MOV10: variants seen among roughly 807,000 people sequenced by gnomAD.
MOV10 encodes the protein RNA helicase MOV-10.
Under a neutral mutation model 108.4 loss-of-function variants are expected in MOV10, and 39 were observed. The ratio of observed to expected loss-of-function variants is 0.36; its 90% CI spans 0.28 to 0.47. The LOEUF is 0.47. Among genes scored for constraint, MOV10 ranks in the 20% least tolerant of loss-of-function variants. MOV10 has a pLI of 1.00. For missense variants in MOV10, 952 were observed against 1,297.6 expected (o/e 0.73, Z 4.09); for synonymous variants, 490 against 523.1 (o/e 0.94, Z 0.86).
intron 11 of MOV10, 55 bp downstream of exon 11, chr1:112,695,629 G>A (rs1253370046): frequency 3.2e-5 from 51 of 1,570,096 alleles, no homozygotes; most frequent in Non-Finnish European, 4.4e-5. Flanking sequence ...AGGCTCTCAG[G>A]GCAGACACTG....
chr1:112,687,909 C>G (rs1673206700), intron 2 of MOV10, among the ~76,000 whole-genome samples: 1 of 152,122 alleles, frequency 6.6e-6, no homozygotes, highest in South Asian at 2.1e-4. Context: ...CCCCTCTGCC[C>G]CTCCCTGCAC....
Position 112,696,780 on chromosome 1 carries a change from C to A in MOV10, c.2132C>A (p.Ser711Tyr). ...CTGGAGCGGCTGCTCACCTACAACT[C>A]CCTGTACAAGAAGGGCCCTGATGGC... Reference protein sequence around the residue: ...SLLERLLTYNSLYKKGPDGYD... With the variant: ...SLLERLLTYNYLYKKGPDGYD... The change falls in exon 14 of 21, where the codon TCC (serine) becomes TAC (tyrosine). Residue 711 changes from serine to tyrosine, a missense_variant. Transcript: ENST00000369645. 6.2e-7 allele frequency: 1 copy of A among 1,605,936 alleles called. No individual in the cohort carries two copies. Among genetic ancestry groups the A allele is most frequent in the Non-Finnish European group, 8.5e-7 (1 of 1,175,984 alleles).
intron 2 of MOV10, among the ~76,000 whole-genome samples, chr1:112,677,262 C>T (rs1672269076): frequency 6.6e-6 from 1 of 152,088 alleles, no homozygotes; most frequent in South Asian, 2.1e-4. Flanking sequence ...GGTAATTATC[C>T]TTGACTATTT....
Position 112,694,461 on chromosome 1 carries a change from G to A in MOV10, c.1304G>A (p.Ser435Asn), listed in dbSNP as rs1673875203. 6.2e-7 allele frequency: 1 copy of A among 1,613,908 alleles called. No homozygotes were observed. Among genetic ancestry groups the A allele is most frequent in the Non-Finnish European group, 8.5e-7 (1 of 1,180,032 alleles). ...VKLSFSMSLL[S>N]RFVDGLTFKV... The stretch of plus-strand genomic sequence containing the variant: ...CCTCTCTCTGCCCAAAGCCTCCTGA[G>A]CCGCTTTGTGGATGGGCTGACCTTC... Residue 435 changes from serine (S) to asparagine (N), a missense_variant, in exon 9 of 21, where the codon AGC (serine) becomes AAC (asparagine). Ser to Asn is a conservative substitution (Grantham distance 46). This residue lies in a region of MOV10 where 453 missense variants were observed against 611.5 expected (regional missense o/e 0.74). Coordinates refer to ENST00000369645, the MANE Select transcript of MOV10 (RefSeq NM_001321324.2). The surrounding 1 kb of genome is among the most constrained non-coding windows in gnomAD (Gnocchi z 4.1).
At chr1:112,679,160 G>A (rs1018478103) in intron 2 of MOV10, among the ~76,000 whole-genome samples, 3 of 152,022 alleles carry the variant, frequency 2.0e-5, no homozygotes, top group African/African-American at 7.3e-5. Context: ...TCCTGAACTG[G>A]GTCTAAAAAG....
Position 112,688,945 on chromosome 1 carries a change from C to A in MOV10, c.148C>A (p.Pro50Thr). Residue 50 changes from proline to threonine, a missense_variant, in exon 3 of 21, where the codon CCC (proline) becomes ACC (threonine). Pro to Thr is a conservative substitution (Grantham distance 38). Around this residue, in one of 5 missense-constraint regions of MOV10, gnomAD observed 374 missense variants for 468.6 expected, o/e 0.80. Transcript: ENST00000369645. ...CTCTGCTTCTGGCAGCTTTGGGACC[C>A]CCGCCCCTGGCTTCTCCTCCATGCT... ...NRDFKISFGT[P>T]APGFSSMLYG... is the part of the protein sequence containing the mutation. 1 of 1,612,326 alleles carries A rather than the reference C, an allele frequency of 6.2e-7. No homozygotes were observed. Among genetic ancestry groups the A allele is most frequent in the South Asian group, 1.1e-5 (1 of 90,998 alleles).
Position 112,700,400 on chromosome 1 carries a change from CT to C in MOV10, c.2921-13del, listed in dbSNP as rs1557775322. On this transcript the variant is annotated splice_polypyrimidine_tract_variant and intron_variant, in intron 20 of 20. Transcript: ENST00000369645. ...GAGGTGGTAAGGAAGACACAGTGTA[CT>C]TTCTCTCTTTCCAGGGCCCCACAGC... 13 of 1,613,588 alleles carry C rather than the reference CT, an allele frequency of 8.1e-6. No individual in the cohort carries two copies. Among genetic ancestry groups the C allele is most frequent in the Non-Finnish European group, 8.5e-6 (10 of 1,179,716 alleles).
Position 112,694,629 on chromosome 1 carries a change from A to G in MOV10, c.1472A>G (p.Lys491Arg). Residue 491 changes from lysine (K) to arginine (R), a missense_variant and splice_region_variant, in exon 9 of 21, where the codon AAG (lysine) becomes AGG (arginine). Around this residue, in one of 5 missense-constraint regions of MOV10, gnomAD observed 453 missense variants for 611.5 expected, o/e 0.74. Transcript: ENST00000369645. The surrounding 1 kb of genome is among the most constrained non-coding windows in gnomAD (Gnocchi z 4.1). The part of the protein sequence containing the change: ...VPLLPSDVKL[K>R]LYDRSLESNP... ...CTGCTGCCCTCAGATGTGAAACTCA[A>G]GTGAGACTGTGGGCAGGGAGCTTCT... 1.3e-6 allele frequency: 2 copies of G among 1,598,248 alleles called. No homozygotes were observed. Among genetic ancestry groups the G allele is most frequent in the Non-Finnish European group, 1.7e-6 (2 of 1,170,686 alleles).
At chr1:112,676,866 G>T (rs1422476326) in intron 2 of MOV10, among the ~76,000 whole-genome samples, 1 of 152,156 alleles carries the variant, frequency 6.6e-6, no homozygotes, top group African/African-American at 2.4e-5. Context: ...AGGGCTCAGG[G>T]GAGTCTAACA....
intron 12 of MOV10, 91 bp downstream of exon 12, chr1:112,696,342 G>C (rs538031263): frequency 2.3e-5 from 33 of 1,411,616 alleles, no homozygotes; most frequent in Non-Finnish European, 3.1e-5. Context: ...TTTCCGGAGT[G>C]GGGTGGTGGG....
At chr1:112,699,338 TC>T (rs1674415534) in intron 17 of MOV10, 2 of 476,142 alleles carry the variant, frequency 4.2e-6, no homozygotes, top group South Asian at 9.4e-5. Flanking sequence ...TGATCGGGGG[TC>T]CGGGTTAGGG....
intron 12 of MOV10, 35 bp downstream of exon 12, chr1:112,696,286 A>G: frequency 6.6e-7 from 1 of 1,517,146 alleles, no homozygotes; most frequent in East Asian, 2.3e-5. Flanking sequence ...TCTGAATCGT[A>G]AGTGTAATTA....
chr1:112,691,327 G>T (rs1016615209), intron 5 of MOV10, among the ~76,000 whole-genome samples: 1 of 152,112 alleles, frequency 6.6e-6, no homozygotes, highest in African/African-American at 2.4e-5. Flanking sequence ...ACAGACCATT[G>T]TGCTCTTTTT....
In MOV10 at chr1:112,675,332, G is replaced by A. The variant is rs1354233541; in HGVS notation, c.137+283G>A. 6.6e-6 allele frequency among the ~76,000 whole-genome samples: 1 copy of A among 152,102 alleles called. No homozygotes were observed. The highest frequency in any genetic ancestry group is 3.2e-3 in the Middle Eastern group (1 of 314). ...CCCCGGAGGCCGGAACCCGGGGCCGGGAGCTGCGTCCCGCGTCCATGCGCC... is the reference window on the plus strand; with the variant it reads ...CCCCGGAGGCCGGAACCCGGGGCCGAGAGCTGCGTCCCGCGTCCATGCGCC... On this transcript the variant is annotated intron_variant, in intron 2 of 20. Transcript: ENST00000369645. The surrounding 1 kb of genome is among the most constrained non-coding windows in gnomAD (Gnocchi z 4.7).
At chr1:112,686,066 G>A (rs1407681212) in intron 2 of MOV10, among the ~76,000 whole-genome samples, 1 of 152,192 alleles carries the variant, frequency 6.6e-6, no homozygotes, top group East Asian at 1.9e-4. Context: ...GCTTCAGACA[G>A]GGCATGCACT....
At position 112,692,847 on chromosome 1, in the gene MOV10, A is replaced by G. The variant is rs373947278; in HGVS notation, c.1058A>G (p.His353Arg). The change falls in exon 7 of 21, where the codon CAT becomes CGT. Residue 353 changes from histidine (H) to arginine (R), a missense_variant. Transcript: ENST00000369645. ...CACCTGGAGGAACTGCAGATGGAGC[A>G]TGATATCCGGCACTATGACCTGGAG... Reference protein sequence around the residue: ...LLHLEELQMEHDIRHYDLESV... With the variant: ...LLHLEELQMERDIRHYDLESV... 6.2e-7 allele frequency: 1 copy of G among 1,614,068 alleles called. No homozygotes were observed.
intron 7 of MOV10, among the ~76,000 whole-genome samples, chr1:112,693,425 G>T (rs925650301): frequency 5.9e-5 from 9 of 152,172 alleles, no homozygotes; most frequent in African/African-American, 1.9e-4. Flanking sequence ...TGCTCAGGCT[G>T]GAGTGCAATG....
At chr1:112,689,365 C>T in intron 3 of MOV10, 50 bp from the exon 4 acceptor site, 1 of 1,519,404 alleles carries the variant, frequency 6.6e-7, no homozygotes, top group South Asian at 1.1e-5. Context: ...GGTAACTCCC[C>T]AGTCAGACCG....
In MOV10 at chr1:112,682,328, A is replaced by G. The variant is rs188434647; in HGVS notation, c.138-6607A>G. On this transcript the variant is annotated intron_variant, in intron 2 of 20. Transcript: ENST00000369645. ...AGCCTCAACCTCCCAGACTCAGGCT[A>G]TCCTCCCACCTCAGCCTCCTGAGTA... Among the ~76,000 whole-genome samples, 618 of 152,166 alleles carry G rather than the reference A, an allele frequency of 4.1e-3. 2 individuals carry two copies. Among genetic ancestry groups the G allele is most frequent in the African/African-American group, 0.014 (596 of 41,512 alleles).
Sources: gnomAD v4.1 joint callset for allele counts (sites outside exome capture counted in the v4.1 genomes callset) on GRCh38, gnomAD v4.1.1 for gene constraint, gnomAD v4.1.1 regional missense constraint, Gnocchi (gnomAD v3.1) non-coding constraint, MANE v1.5 for transcripts, NCBI Gene and HGNC (gene_info 2026-07-23, HGNC 2026-07-21) for gene names.